Variants in LSG1 observed in about 807,000 individuals in gnomAD.
LSG1 encodes large subunit GTPase 1 homolog.
Under a neutral mutation model 82.6 loss-of-function variants are expected in LSG1, and 55 were observed. The observed-to-expected ratio is 0.67, with a 90% CI of 0.54 to 0.83. The LOEUF is 0.83. Among genes scored for constraint, LSG1 ranks in the 40% least tolerant of loss-of-function variants. The pLI is 0.00. For missense variants in LSG1, 809 were observed against 807.9 expected (o/e 1.00, Z -0.02); for synonymous variants, 272 against 282.5 (o/e 0.96, Z 0.37).
chr3:194,642,438 C>T (rs1577249071), intron 13 of LSG1, among the ~76,000 whole-genome samples, 191 bp from the exon 14 acceptor site: 1 of 151,208 alleles, frequency 6.6e-6, no homozygotes, highest in Non-Finnish European at 1.5e-5. Flanking sequence ...TCCCCCTCCT[C>T]ATTCCCTCGT....
chr3:194,655,882 C>T (rs1055022713), intron 7 of LSG1, among the ~76,000 whole-genome samples: 1 of 152,036 alleles, frequency 6.6e-6, no homozygotes, highest in Non-Finnish European at 1.5e-5. Flanking sequence ...ACAAACCTGA[C>T]AAAAACAAGC....
chr3:194,653,945 G>A (rs916553015), intron 7 of LSG1, among the ~76,000 whole-genome samples: 2 of 152,196 alleles, frequency 1.3e-5, no homozygotes, highest in Non-Finnish European at 2.9e-5. Flanking sequence ...AAAAGCTTAT[G>A]TTAAACTGAA....
At position 194,644,642 on chromosome 3, in the gene LSG1, T is replaced by G; in HGVS notation, c.1728A>C (p.Lys576Asn). 1 of 1,613,434 alleles carries G rather than the reference T, an allele frequency of 6.2e-7. No individual in the cohort carries two copies. The highest frequency in any genetic ancestry group is 8.5e-7 in the Non-Finnish European group (1 of 1,179,676). ...CTTTTTTATTTCTGCCTAGCTGCAT[T>G]TTTATTTCATCACTGTTCATTTTGT... is the stretch of plus-strand genomic sequence containing the variant. ...LENKMNSDEI[K>N]MQLGRNKKAK... Residue 576 changes from lysine to asparagine, a missense_variant, in exon 13 of 14, where the codon AAA (lysine) becomes AAC (asparagine). Lys to Asn is a moderately conservative substitution (Grantham distance 94, BLOSUM62 0). Transcript: ENST00000265245.
At position 194,657,032 on chromosome 3, in the gene LSG1, A is replaced by C. The variant is rs137875930; in HGVS notation, c.759+1925T>G. Among the ~76,000 whole-genome samples, 1,182 of 152,256 alleles carry C rather than the reference A, an allele frequency of 7.8e-3. 21 individuals are homozygous for C. Among genetic ancestry groups the C allele is most frequent in the African/African-American group, 0.027 (1,116 of 41,524 alleles). On this transcript the variant is annotated intron_variant, in intron 7 of 13. Transcript: ENST00000265245. Reference sequence around the variant, plus strand: ...GGGAGAGGGGAGGGATAACATTAGGAGATATACCTAATGCTAAATGACAAG... The same window carrying C: ...GGGAGAGGGGAGGGATAACATTAGGCGATATACCTAATGCTAAATGACAAG...
chr3:194,672,013 A>C, intron 1 of LSG1, 51 bp downstream of exon 1: 1 of 1,541,024 alleles, frequency 6.5e-7, no homozygotes, highest in Non-Finnish European at 8.9e-7. Context: ...CGAATTTTGC[A>C]GCACTCAGGC....
chr3:194,648,562 G>C, intron 11 of LSG1, 119 bp downstream of exon 11: 1 of 1,168,874 alleles, frequency 8.6e-7, no homozygotes, highest in Non-Finnish European at 1.2e-6. Flanking sequence ...AAATGCTGAA[G>C]AAATATTATA....
intron 7 of LSG1, among the ~76,000 whole-genome samples, chr3:194,654,668 C>T (rs1718756735): frequency 6.6e-6 from 1 of 152,016 alleles, no homozygotes; most frequent in African/African-American, 2.4e-5. Flanking sequence ...AGCATAAAAA[C>T]AAGAATGTGA....
rs1176568160 is a variant in LSG1 at position 194,645,531 on chromosome 3, GACAGACACACAC to G, written c.1623+621_1623+632del. 10 of 35,118 alleles carry G rather than the reference GACAGACACACAC, an allele frequency of 2.8e-4. 1 individual carries two copies. The highest frequency in any genetic ancestry group is 1.4e-3 in the African/African-American group (10 of 7,332). 2.2% of individuals were successfully genotyped at this position (35,118 alleles called of 1,614,324 possible). A position where few individuals can be genotyped will look rare whatever the true frequency, so the allele number is the denominator to read the frequency against. On this transcript the variant is annotated intron_variant, in intron 12 of 13. Transcript: ENST00000265245. ...ACACACACACACACACACACACACA[GACAGACACACAC>G]ACACACACACACACACACACACACA... is the stretch of plus-strand genomic sequence containing the variant.
chr3:194,651,359 G>A (rs1005038518), intron 8 of LSG1, 143 bp from the exon 9 acceptor site: 13 of 639,360 alleles, frequency 2.0e-5, no homozygotes, highest in Non-Finnish European at 3.6e-5. Flanking sequence ...TGTTTGTTGA[G>A]ACATCTTTTT....
chr3:194,657,601 G>A (rs1718823764), intron 7 of LSG1, among the ~76,000 whole-genome samples: 14 of 152,024 alleles, frequency 9.2e-5, no homozygotes. Flanking sequence ...TATGAATGCT[G>A]TGTATACGCC....
rs1224986793 is a variant in LSG1, at chr3:194,641,543, C to G, written c.*525G>C. The G allele has an allele frequency of 1.3e-5, 2 of 152,344 alleles. No individual in the cohort carries two copies. The highest frequency in any genetic ancestry group is 6.5e-5 in the Admixed American group (1 of 15,298). The allele number at this position is 152,344 out of a possible 1,614,324, so 9.4% of individuals were successfully genotyped here. On this transcript the variant is annotated 3_prime_UTR_variant, in exon 14 of 14. Coordinates refer to ENST00000265245, the MANE Select transcript of LSG1 (RefSeq NM_018385.3). ...AGTCCCTTGTTTAGAGTCGGAGGAA[C>G]CCAACTAGGACACTCAGAATGGGGA... is the stretch of plus-strand genomic sequence containing the variant.
At chr3:194,655,512 T>C (rs1317127689) in intron 7 of LSG1, among the ~76,000 whole-genome samples, 2 of 152,230 alleles carry the variant, frequency 1.3e-5, no homozygotes, top group Non-Finnish European at 2.9e-5. Flanking sequence ...TAAGTATCTA[T>C]ACTTACTGCC....
At chr3:194,645,553 C>CACAGACAG (rs1718521219) in intron 12 of LSG1, among the ~76,000 whole-genome samples, 1 of 45,410 alleles carries the variant, frequency 2.2e-5, no homozygotes, top group African/African-American at 7.8e-5. Context: ...CACACACACA[C>CACAGACAG]ACACACACAC....
intron 10 of LSG1, among the ~76,000 whole-genome samples, chr3:194,649,853 A>C (rs555504959): frequency 6.6e-6 from 1 of 152,260 alleles, no homozygotes; most frequent in East Asian, 1.9e-4. Context: ...CTACAAAACA[A>C]TAATAGACTA....
At chr3:194,645,579 C>CAG (rs1718527383) in intron 12 of LSG1, among the ~76,000 whole-genome samples, 2 of 67,744 alleles carry the variant, frequency 3.0e-5, no homozygotes, top group African/African-American at 1.1e-4. Flanking sequence ...CAGACAGACA[C>CAG]ACACACACAC....
chr3:194,662,196 C>T (rs946136027), intron 5 of LSG1, among the ~76,000 whole-genome samples: 1 of 152,226 alleles, frequency 6.6e-6, no homozygotes, highest in African/African-American at 2.4e-5. Flanking sequence ...AGGTCGGCTA[C>T]CCTGTTCCAT....
At chr3:194,645,515 CACACACACACACACAG>C (rs1560219523) in intron 12 of LSG1, 10 of 53,914 alleles carry the variant, frequency 1.9e-4, no homozygotes, top group African/African-American at 5.9e-4. Context: ...CACACACACA[CACACACACACACACAG>C]ACAGACACAC....
intron 7 of LSG1, among the ~76,000 whole-genome samples, chr3:194,654,788 G>C (rs2108618088): frequency 6.6e-6 from 1 of 152,302 alleles, no homozygotes; most frequent in South Asian, 2.1e-4. Context: ...AAAATTAAAA[G>C]AAAGAAGGAA....
intron 13 of LSG1, among the ~76,000 whole-genome samples, chr3:194,644,364 G>A (rs1255911109): frequency 8.8e-6 from 1 of 113,172 alleles, no homozygotes; most frequent in African/African-American, 3.1e-5. Context: ...GCGAGACTCC[G>A]TCTCAAAAAA....
Sources: gnomAD v4.1 joint callset for allele counts (sites outside exome capture counted in the v4.1 genomes callset) on GRCh38, gnomAD v4.1.1 for gene constraint, MANE v1.5 for transcripts, NCBI Gene and HGNC (gene_info 2026-07-23, HGNC 2026-07-21) for gene names.